Variants in FARP1 observed in about 807,000 individuals in gnomAD.
FARP1 encodes the protein FERM, ARH/RhoGEF and pleckstrin domain protein 1.
In FARP1, 52 loss-of-function variants were observed where a neutral mutation model predicts 128.8. The ratio of observed to expected loss-of-function variants is 0.40; its 90% CI spans 0.32 to 0.51. FARP1 has a LOEUF of 0.51. FARP1 is among the 20% of genes least tolerant of loss of function. The pLI, the probability that FARP1 is intolerant of heterozygous loss-of-function variation, is 0.45. For missense variants in FARP1, 1,333 were observed against 1,367.9 expected, an observed-to-expected ratio of 0.97 and a Z score of 0.40; for synonymous variants, 580 against 551.8, an observed-to-expected ratio of 1.05 and a Z score of -0.72.
At chr13:98,362,658 G>A (rs764423350) in intron 3 of FARP1, among the ~76,000 whole-genome samples, 5 of 152,184 alleles carry the variant, frequency 3.3e-5, no homozygotes, top group Non-Finnish European at 7.3e-5. Context: ...TTCTAAATGT[G>A]AGATGTCTTG....
chr13:98,385,967 C>A, intron 8 of FARP1, 153 bp downstream of exon 8: 1 of 713,530 alleles, frequency 1.4e-6, no homozygotes, highest in Non-Finnish European at 2.3e-6. Flanking sequence ...CTTTCTGTTT[C>A]CCAGGCCCTC....
chr13:98,176,955 G>C lies in FARP1; in HGVS notation c.-24+33463G>C. The C allele has an allele frequency of 1.9e-6, 3 of 1,601,750 alleles. No individual in the cohort carries two copies. Among genetic ancestry groups the C allele is most frequent in the Non-Finnish European group, 2.5e-6 (3 of 1,179,866 alleles). ...CAGGCTTCGCCGAGCGGGTGGACCTGTACACCACGTCGAGGCTCTCAGGCG... is the reference window on the plus strand; with the variant it reads ...CAGGCTTCGCCGAGCGGGTGGACCTCTACACCACGTCGAGGCTCTCAGGCG... On this transcript the variant is annotated intron_variant, in intron 1 of 26. Coordinates refer to ENST00000319562, the MANE Select transcript of FARP1 (RefSeq NM_005766.4). The surrounding 1 kb of genome is among the most constrained non-coding windows in gnomAD (Gnocchi z 6.2).
chr13:98,184,978 C>T (rs1277059556), intron 1 of FARP1, among the ~76,000 whole-genome samples: 1 of 152,164 alleles, frequency 6.6e-6, no homozygotes, highest in African/African-American at 2.4e-5. Context: ...AATATTTCCA[C>T]CATGGCCAGT....
chr13:98,233,027 A>T (rs1342112957), intron 2 of FARP1, among the ~76,000 whole-genome samples: 1 of 152,202 alleles, frequency 6.6e-6, no homozygotes, highest in Non-Finnish European at 1.5e-5. Flanking sequence ...TTGAGGCTGT[A>T]AGCGAGCACT....
intron 1 of FARP1, among the ~76,000 whole-genome samples, chr13:98,149,693 A>C (rs900237647): frequency 7.2e-5 from 8 of 111,210 alleles, no homozygotes; most frequent in Admixed American, 8.6e-5. Context: ...TTGACCATTT[A>C]TATATCTTCT....
rs1378448761 is a variant in FARP1 at position 98,384,756 on chromosome 13, T to C, written c.523T>C (p.Leu175=). The C allele has an allele frequency of 6.2e-7, 1 of 1,612,954 alleles. No individual in the cohort carries two copies. The highest frequency in any genetic ancestry group is 2.2e-5 in the East Asian group (1 of 44,896). ...TGAGATTGGGGATTTTGATGAAGCC[T>C]TGGACAGAGAGCACTTAGCAAAAAA... The part of the protein sequence containing the change: ...QSEIGDFDEA[L]DREHLAKNKY... Residue 175 remains leucine, a synonymous_variant, in exon 7 of 27, where the codon TTG becomes CTG. Transcript: ENST00000319562.
intron 2 of FARP1, among the ~76,000 whole-genome samples, chr13:98,296,595 G>T (rs138913749): frequency 1.3e-5 from 2 of 151,626 alleles, no homozygotes; most frequent in Non-Finnish European, 1.5e-5. Flanking sequence ...CCTTTTTTGC[G>T]TAGAATGTCT....
chr13:98,417,455 GAAA>G lies in FARP1; in HGVS notation c.1826+5448_1826+5450del, dbSNP rs869304302. ...AGGAAACAGAGGCCACCAGAGGTTT[GAAA>G]AAAAAAAAAAAAAAAAAAAAAAAAA... On this transcript the variant is annotated intron_variant, in intron 16 of 26. Transcript: ENST00000319562. 6.4e-3 allele frequency among the ~76,000 whole-genome samples: 375 copies of G among 58,462 alleles called. 12 individuals carry two copies. The highest frequency in any genetic ancestry group is 0.02 in the African/African-American group (344 of 17,458). 38.4% of individuals were successfully genotyped at this position (58,462 alleles called of 152,430 possible).
intron 5 of FARP1, among the ~76,000 whole-genome samples, chr13:98,369,353 C>CTTTTTTTTTTTT (rs35605642): frequency 1.4e-5 from 2 of 139,108 alleles, no homozygotes; most frequent in Non-Finnish European, 3.1e-5. Flanking sequence ...CAGCCTAATT[C>CTTTTTTTTTTTT]TTTTTTTTTT....
intron 19 of FARP1, among the ~76,000 whole-genome samples, chr13:98,438,085 C>T (rs1407223803): frequency 6.6e-6 from 1 of 152,138 alleles, no homozygotes; most frequent in African/African-American, 2.4e-5. Context: ...TTTGTGGATT[C>T]TACCACAATT....
At chr13:98,335,110 C>T (rs983603099) in intron 2 of FARP1, among the ~76,000 whole-genome samples, 1 of 152,230 alleles carries the variant, frequency 6.6e-6, no homozygotes, top group Non-Finnish European at 1.5e-5. Flanking sequence ...TAGCCATTTG[C>T]TCTATTCTCT....
At chr13:98,155,404 C>T (rs1221315100) in intron 1 of FARP1, among the ~76,000 whole-genome samples, 11 of 151,062 alleles carry the variant, frequency 7.3e-5, no homozygotes, top group African/African-American at 1.2e-4. Context: ...CCAAGGAGCC[C>T]GATAAGCTCC....
rs1284936487 is a variant in FARP1 at position 98,176,453 on chromosome 13, C to T, written c.-24+32961C>T. On this transcript the variant is annotated intron_variant, in intron 1 of 26. Transcript: ENST00000319562. The surrounding 1 kb of genome is among the most constrained non-coding windows in gnomAD (Gnocchi z 6.2). ...TTGGTGACGACTGGGTTTTGGAAGG[C>T]CTGGCGACATATGAAACACCTGAAT... is the stretch of plus-strand genomic sequence containing the variant. 6.2e-7 allele frequency: 1 copy of T among 1,614,194 alleles called. No individual in the cohort carries two copies. The highest frequency in any genetic ancestry group is 2.2e-5 in the East Asian group (1 of 44,880).
At chr13:98,297,966 C>G (rs1180994370) in intron 2 of FARP1, among the ~76,000 whole-genome samples, 1 of 152,166 alleles carries the variant, frequency 6.6e-6, no homozygotes, top group Non-Finnish European at 1.5e-5. Flanking sequence ...TTGCCATCAT[C>G]CTGTGCGTTT....
intron 2 of FARP1, among the ~76,000 whole-genome samples, chr13:98,309,153 C>CTTTTTTTTTTTTTTT (rs56030081): frequency 3.3e-5 from 3 of 89,670 alleles, no homozygotes; most frequent in Non-Finnish European, 6.2e-5. Flanking sequence ...TTTAAGAGGC[C>CTTTTTTTTTTTTTTT]TTTTTTTTTT....
chr13:98,442,923 C>T (rs113050131), intron 24 of FARP1, among the ~76,000 whole-genome samples: 2,394 of 152,342 alleles, frequency 0.016, 73 homozygotes, highest in African/African-American at 0.054. Flanking sequence ...TTTTACATAC[C>T]TGGAGGCACC....
At chr13:98,371,510 G>A (rs1377615194) in intron 5 of FARP1, among the ~76,000 whole-genome samples, 1 of 152,062 alleles carries the variant, frequency 6.6e-6, no homozygotes, top group Non-Finnish European at 1.5e-5. Flanking sequence ...TTTCCAAGGA[G>A]ACAGTTCTTT....
In FARP1 at chr13:98,181,189, T is replaced by TG. The variant is rs1328714314; in HGVS notation, c.-23-32030dup. Among the ~76,000 whole-genome samples, 10 of 152,304 alleles carry TG rather than the reference T, an allele frequency of 6.6e-5. No homozygotes were observed. In the East Asian group the frequency reaches 1.9e-3, roughly 29 times the overall value. On this transcript the variant is annotated intron_variant, in intron 1 of 26. Transcript: ENST00000319562. The stretch of plus-strand genomic sequence containing the variant: ...CTCCCTGCTGGTTTAGGTCCACACA[T>TG]GCCTACTAAGTGAAGGAAAAAATTG...
chr13:98,233,934 A>G (rs1423239328), intron 2 of FARP1: 1 of 152,228 alleles, frequency 6.6e-6, no homozygotes. Flanking sequence ...AAATGGAAAA[A>G]GAGGAAATTA....
Sources: allele counts gnomAD v4.1 joint callset (sites outside exome capture counted in the v4.1 genomes callset), GRCh38; gene constraint gnomAD v4.1.1; non-coding constraint Gnocchi (gnomAD v3.1); transcripts MANE v1.5; gene names NCBI Gene and HGNC (gene_info 2026-07-23, HGNC 2026-07-21).